CREB5: variants seen among roughly 807,000 people sequenced by gnomAD.
CREB5 encodes cAMP responsive element binding protein 5, also known as cyclic AMP-responsive element-binding protein 5.
Under a neutral mutation model 57.1 loss-of-function variants are expected in CREB5, and 19 were observed. The ratio of observed to expected loss-of-function variants is 0.33; its 90% confidence interval spans 0.23 to 0.49. CREB5 has a LOEUF of 0.49. CREB5 is among the 20% of genes least tolerant of loss of function. The pLI is 0.99. For synonymous variants in CREB5, 238 were observed against 238.3 expected (o/e 1.00, Z 0.01); for missense variants, 579 against 671.6 (o/e 0.86, Z 1.52).
At chr7:28,311,711 T>G (rs999862534) in intron 1 of CREB5, among the ~76,000 whole-genome samples, 5 of 152,222 alleles carry the variant, frequency 3.3e-5, no homozygotes, top group Non-Finnish European at 7.4e-5. Flanking sequence ...GGCTCTGCCA[T>G]GCCTGGCCGG....
At position 28,412,868 on chromosome 7, in the gene CREB5, T is replaced by C. The variant is rs745923455; in HGVS notation, c.-47T>C. 6.9e-7 allele frequency: 1 copy of C among 1,455,844 alleles called. No individual in the cohort carries two copies. Among genetic ancestry groups the C allele is most frequent in the Admixed American group, 2.4e-5 (1 of 41,330 alleles). The allele number at this position is 1,455,844 out of a possible 1,614,324, so 90.2% of individuals were successfully genotyped here. A position where few individuals can be genotyped will look rare whatever the true frequency, so the allele number is the denominator to read the frequency against. On this transcript the variant is annotated 5_prime_UTR_variant, in exon 1 of 11. Coordinates refer to ENST00000357727, the MANE Select transcript of CREB5 (RefSeq NM_182898.4). ...GAAAGAAAGGAAGAAAAAACTTGAT[T>C]TGGTGACTGCAGGAAGCAACACGTT...
At chr7:28,406,417 C>T (rs1403402449) in intron 1 of CREB5, among the ~76,000 whole-genome samples, 1 of 152,210 alleles carries the variant, frequency 6.6e-6, no homozygotes, top group African/African-American at 2.4e-5. Flanking sequence ...TCTCTGCCAC[C>T]GCCAATGGTA....
At chr7:28,618,381 A>G (rs1182792063) in intron 5 of CREB5, among the ~76,000 whole-genome samples, 1 of 152,174 alleles carries the variant, frequency 6.6e-6, no homozygotes, top group Non-Finnish European at 1.5e-5. Flanking sequence ...TTCAGAAATG[A>G]CATGTTATTC....
intron 5 of CREB5, among the ~76,000 whole-genome samples, chr7:28,676,537 C>A (rs4719946): frequency 0.5 from 75,242 of 151,906 alleles, 19,592 homozygotes; most frequent in African/African-American, 0.66. Context: ...ATAGACTGGC[C>A]CTTTCTCCTC....
chr7:28,699,025 G>A (rs1801714024), intron 5 of CREB5, among the ~76,000 whole-genome samples: 1 of 152,294 alleles, frequency 6.6e-6, no homozygotes, highest in Middle Eastern at 3.4e-3. Flanking sequence ...CTCACAATAA[G>A]GGAGGGAGAG....
At chr7:28,616,780 T>C (rs1486919766) in intron 5 of CREB5, among the ~76,000 whole-genome samples, 3 of 152,248 alleles carry the variant, frequency 2.0e-5, no homozygotes, top group African/African-American at 7.2e-5. Flanking sequence ...GATTTTCATT[T>C]ATGATTTAAA....
At chr7:28,688,276 G>T (rs1413423587) in intron 5 of CREB5, among the ~76,000 whole-genome samples, 1 of 152,110 alleles carries the variant, frequency 6.6e-6, no homozygotes, top group Non-Finnish European at 1.5e-5. Context: ...CAAAAAGAGT[G>T]GCAGAGTAGA....
intron 1 of CREB5, among the ~76,000 whole-genome samples, chr7:28,474,644 T>C (rs567373519): frequency 6.6e-6 from 1 of 152,324 alleles, no homozygotes; most frequent in Admixed American, 6.5e-5. Flanking sequence ...TTTAAGGTCC[T>C]TGAGGCATCT....
At chr7:28,452,280 T>TA (rs1304408726) in intron 1 of CREB5, among the ~76,000 whole-genome samples, 1 of 152,096 alleles carries the variant, frequency 6.6e-6, no homozygotes, top group African/African-American at 2.4e-5. Flanking sequence ...TTTTATAGAT[T>TA]AAAAAAACAA....
chr7:28,600,445 C>CT (rs899335062), intron 5 of CREB5, among the ~76,000 whole-genome samples: 1 of 152,102 alleles, frequency 6.6e-6, no homozygotes, highest in Non-Finnish European at 1.5e-5. Flanking sequence ...CCTGAGGATC[C>CT]TTTTTGGGAG....
intron 5 of CREB5, among the ~76,000 whole-genome samples, chr7:28,641,248 C>T (rs910976124): frequency 6.6e-6 from 1 of 152,124 alleles, no homozygotes; most frequent in Non-Finnish European, 1.5e-5. Flanking sequence ...GGGGACCATC[C>T]AGAAGCTGGG....
At chr7:28,808,574 T>C (rs1163383083) in intron 8 of CREB5, among the ~76,000 whole-genome samples, 1 of 152,208 alleles carries the variant, frequency 6.6e-6, no homozygotes, top group Non-Finnish European at 1.5e-5. Context: ...GGTCTTGCTC[T>C]GTTGCCCAGG....
At chr7:28,479,953 G>A (rs922253786) in intron 1 of CREB5, among the ~76,000 whole-genome samples, 10 of 151,948 alleles carry the variant, frequency 6.6e-5, no homozygotes, top group Non-Finnish European at 1.3e-4. Flanking sequence ...ACTTCAGCCC[G>A]TACATTGGGT....
intron 1 of CREB5, among the ~76,000 whole-genome samples, chr7:28,349,002 G>T (rs1786133316): frequency 6.6e-6 from 1 of 152,204 alleles, no homozygotes; most frequent in Non-Finnish European, 1.5e-5. Flanking sequence ...GTAGGAAACT[G>T]AATTCCACAG....
intron 1 of CREB5, among the ~76,000 whole-genome samples, chr7:28,486,853 C>A (rs1303016806): frequency 1.3e-5 from 2 of 150,720 alleles, no homozygotes; most frequent in Admixed American, 6.6e-5. Flanking sequence ...GCTTGTAATC[C>A]CAGCATTTTG....
chr7:28,595,445 A>G (rs1796661740), intron 5 of CREB5, among the ~76,000 whole-genome samples: 1 of 152,126 alleles, frequency 6.6e-6, no homozygotes, highest in Non-Finnish European at 1.5e-5. Flanking sequence ...TCAGTCAATG[A>G]TCGAATTTGA....
intron 3 of CREB5, among the ~76,000 whole-genome samples, chr7:28,498,515 A>G (rs1168354006): frequency 6.6e-6 from 1 of 152,222 alleles, no homozygotes; most frequent in African/African-American, 2.4e-5. Context: ...CAACGGGTTG[A>G]AAGATCAGAA....
At chr7:28,328,278 CT>C (rs1374007307) in intron 1 of CREB5, among the ~76,000 whole-genome samples, 2 of 152,180 alleles carry the variant, frequency 1.3e-5, no homozygotes, top group East Asian at 3.9e-4. Flanking sequence ...AATTTATAAA[CT>C]TTATTGTCAT....
rs10699932 is a variant in CREB5, at chr7:28,330,401, C to CTTTTTT, written c.-25+30975_-25+30980dup. ...TTTAGCTTGTGCTAAGAGAACCTTA[C>CTTTTTT]TTTTTTTTTTTTTTTTTTTTGCATA... On this transcript the variant is annotated intron_variant, in intron 1 of 9. Transcript: ENST00000396299. Among the ~76,000 whole-genome samples, 583 of 88,310 alleles carry CTTTTTT rather than the reference C, an allele frequency of 6.6e-3. 16 individuals carry two copies. The highest frequency in any genetic ancestry group is 0.023 in the African/African-American group (461 of 20,458). The allele number at this position is 88,310 out of a possible 152,430, so 57.9% of individuals were successfully genotyped here. A position where few individuals can be genotyped will look rare whatever the true frequency, so the allele number is the denominator to read the frequency against.
Sources: gnomAD v4.1 joint callset for allele counts (sites outside exome capture counted in the v4.1 genomes callset) on GRCh38, gnomAD v4.1.1 for gene constraint, MANE v1.5 for transcripts, NCBI Gene and HGNC (gene_info 2026-07-23, HGNC 2026-07-21) for gene names.